CAMKK2: variants seen among roughly 807,000 people sequenced by gnomAD.
CAMKK2 encodes calcium/calmodulin-dependent protein kinase kinase 2.
In CAMKK2, 30 loss-of-function variants were observed where a neutral mutation model predicts 67.2. That is an observed-to-expected ratio of 0.45 (90% confidence interval 0.33 to 0.61). CAMKK2 has a LOEUF of 0.61. Among genes scored for constraint, CAMKK2 ranks in the 20% least tolerant of loss-of-function variants. The pLI is 0.02. For synonymous variants in CAMKK2, 322 were observed against 326.2 expected, an observed-to-expected ratio of 0.99 and a Z score of 0.14; for missense variants, 643 against 802.0, an observed-to-expected ratio of 0.80 and a Z score of 2.39.
intron 9 of CAMKK2, 100 bp downstream of exon 9, chr12:121,255,450 C>T (rs1354000217): frequency 2.2e-6 from 2 of 898,540 alleles, no homozygotes. Context: ...CGCCCACCTC[C>T]CTGTGCTCCA....
At chr12:121,257,242 A>T (rs1227395638) in intron 7 of CAMKK2, among the ~76,000 whole-genome samples, 1 of 146,072 alleles carries the variant, frequency 6.8e-6, no homozygotes, top group Non-Finnish European at 1.5e-5. Context: ...CACAAAAATT[A>T]AAAAAACTTT....
chr12:121,279,025 G>A (rs1897281404), intron 1 of CAMKK2, among the ~76,000 whole-genome samples: 1 of 152,230 alleles, frequency 6.6e-6, no homozygotes, highest in South Asian at 2.1e-4. Flanking sequence ...GCTGAGCAGT[G>A]CCTGGGAAAG....
Position 121,248,753 on chromosome 12 carries a change from G to A in CAMKK2, c.1324-19C>T, listed in dbSNP as rs1890027593. On this transcript the variant is annotated intron_variant, in intron 13 of 16. Coordinates refer to ENST00000404169, the MANE Select transcript of CAMKK2 (RefSeq NM_001270485.2). Reference sequence around the variant, plus strand: ...GGTGCAGCTTCAACGAACGACAGGAGGGGTGAGGGGCAGGTGTGGCTGGCT... The same window carrying A: ...GGTGCAGCTTCAACGAACGACAGGAAGGGTGAGGGGCAGGTGTGGCTGGCT... 3.7e-6 allele frequency: 6 copies of A among 1,613,556 alleles called. No homozygotes were observed. Among genetic ancestry groups the A allele is most frequent in the Non-Finnish European group, 5.1e-6 (6 of 1,179,968 alleles).
chr12:121,244,238 C>G (rs1192999273), intron 16 of CAMKK2: 7 of 1,132,870 alleles, frequency 6.2e-6, no homozygotes, highest in Non-Finnish European at 9.0e-6. Context: ...GGGGGGGCAC[C>G]CATGGGCCCT....
intron 7 of CAMKK2, among the ~76,000 whole-genome samples, chr12:121,256,514 C>T (rs948584142): frequency 1.3e-5 from 2 of 152,160 alleles, no homozygotes; most frequent in Non-Finnish European, 2.9e-5. Context: ...TTCTCATCAC[C>T]TCAAAAGAAA....
At chr12:121,273,296 AG>A (rs1218536661) in intron 2 of CAMKK2, among the ~76,000 whole-genome samples, 2 of 151,952 alleles carry the variant, frequency 1.3e-5, no homozygotes. Context: ...TCCAAGCAGA[AG>A]GAACAGCGAG....
intron 1 of CAMKK2, among the ~76,000 whole-genome samples, chr12:121,275,866 A>C (rs1284158759): frequency 6.6e-6 from 1 of 152,130 alleles, no homozygotes; most frequent in Non-Finnish European, 1.5e-5. Flanking sequence ...CTTATATCTC[A>C]ATTTTTTAAA....
chr12:121,244,175 C>T (rs201804162), intron 16 of CAMKK2: 100 of 1,595,348 alleles, frequency 6.3e-5, no homozygotes, highest in East Asian at 2.2e-5. Context: ...GAGCCCCTAG[C>T]GAAGAGCCAC....
At chr12:121,255,338 AAT>A (rs1449209729) in intron 9 of CAMKK2, among the ~76,000 whole-genome samples, 7 of 17,894 alleles carry the variant, frequency 3.9e-4, no homozygotes, top group African/African-American at 1.2e-3. Flanking sequence ...AATTATATAT[AAT>A]TTTATATATA....
Position 121,253,752 on chromosome 12 carries a change from G to A in CAMKK2, c.908-280C>T, listed in dbSNP as rs1005548980. ...ACACTGCCAATAGCAATTCGTAATC[G>A]CCTGTTATTTATTAAGTCACAAGTG... On this transcript the variant is annotated intron_variant, in intron 9 of 16. Coordinates refer to ENST00000404169, the MANE Select transcript of CAMKK2 (RefSeq NM_001270485.2). The surrounding 1 kb of genome is among the most constrained non-coding windows in gnomAD (Gnocchi z 5.0). Among the ~76,000 whole-genome samples, 2 of 152,192 alleles carry A rather than the reference G, an allele frequency of 1.3e-5. No individual in the cohort carries two copies. The highest frequency in any genetic ancestry group is 6.5e-5 in the Admixed American group (1 of 15,276).
intron 7 of CAMKK2, among the ~76,000 whole-genome samples, chr12:121,256,141 G>A (rs1278528429): frequency 6.6e-6 from 1 of 152,250 alleles, no homozygotes; most frequent in Non-Finnish European, 1.5e-5. Flanking sequence ...CACTCTGGGA[G>A]GCCGAGGTGG....
intron 1 of CAMKK2, among the ~76,000 whole-genome samples, chr12:121,282,191 CG>C (rs1897924780): frequency 1.3e-5 from 2 of 151,852 alleles, no homozygotes; most frequent in South Asian, 4.2e-4. Context: ...GGAAAAGAGG[CG>C]GGAGAGTGGA....
intron 14 of CAMKK2, among the ~76,000 whole-genome samples, chr12:121,248,038 C>T (rs924206689): frequency 6.6e-6 from 1 of 152,180 alleles, no homozygotes; most frequent in Non-Finnish European, 1.5e-5. Flanking sequence ...ATTCCCAGAG[C>T]CTCCAAGGTT....
rs540731958 is a variant in CAMKK2, at chr12:121,274,718, T to C, written c.-59-133A>G. On this transcript the variant is annotated intron_variant, in intron 1 of 16. Transcript: ENST00000404169. ...CATCCTAAAAAAATCTTGCAAAACA[T>C]GGTGTGATCTGATCTCTGAGTCTAT... The C allele has an allele frequency of 4.7e-4, 275 of 585,426 alleles. 1 individual carries two copies. Among genetic ancestry groups the C allele is most frequent in the Non-Finnish European group, 7.7e-4 (254 of 328,618 alleles). 36.3% of individuals were successfully genotyped at this position (585,426 alleles called of 1,614,324 possible).
chr12:121,272,787 A>C lies in CAMKK2; in HGVS notation c.471+1269T>G, dbSNP rs574010852. 9.2e-5 allele frequency among the ~76,000 whole-genome samples: 14 copies of C among 151,918 alleles called. 1 individual carries two copies. In the South Asian group the frequency reaches 2.9e-3, roughly 32 times the overall value. On this transcript the variant is annotated intron_variant, in intron 2 of 16. Coordinates refer to ENST00000404169, the MANE Select transcript of CAMKK2 (RefSeq NM_001270485.2). Reference sequence around the variant, plus strand: ...TACTCATGAGCTGAGGGAGGAGAATAGCTTGAACCTGGGAGGTGGAGGTTG... The same window carrying C: ...TACTCATGAGCTGAGGGAGGAGAATCGCTTGAACCTGGGAGGTGGAGGTTG...
chr12:121,245,133 C>G lies in CAMKK2; in HGVS notation c.1553+7G>C, dbSNP rs1166933375. On this transcript the variant is annotated splice_region_variant and intron_variant, in intron 15 of 16. Coordinates refer to ENST00000404169, the MANE Select transcript of CAMKK2 (RefSeq NM_001270485.2). This position sits in a 1 kb window ranked among gnomAD's most constrained non-coding sequence, Gnocchi z 5.8. Reference sequence around the variant, plus strand: ...TCCCCCACCCAAGAAGGCAGGCGGCCACTCACGTGAGCAAGTTTCCAGGCG... The same window carrying G: ...TCCCCCACCCAAGAAGGCAGGCGGCGACTCACGTGAGCAAGTTTCCAGGCG... The G allele has an allele frequency of 1.3e-6, 2 of 1,582,570 alleles. No homozygotes were observed. Among genetic ancestry groups the G allele is most frequent in the Non-Finnish European group, 1.7e-6 (2 of 1,161,220 alleles).
At chr12:121,266,621 G>A (rs1187050799) in intron 5 of CAMKK2, among the ~76,000 whole-genome samples, 2 of 151,358 alleles carry the variant, frequency 1.3e-5, no homozygotes, top group African/African-American at 2.4e-5. Context: ...TCAGCCTCCC[G>A]AGTAGCTGGG....
Position 121,274,149 on chromosome 12 carries a change from C to T in CAMKK2, c.378G>A (p.Leu126=), listed in dbSNP as rs141225904. 2.9e-4 allele frequency: 465 copies of T among 1,591,074 alleles called. 2 individuals are homozygous for T. In the African/African-American group the frequency reaches 5.2e-3, roughly 18 times the overall value. ...DMNGRCICPS[L]PYSPVSSPQS... ...GCGGGGAGCTGACGGGTGAGTAGGGCAGGGACGGGCAGATGCAGCGTCCGT... is the reference window on the plus strand; with the variant it reads ...GCGGGGAGCTGACGGGTGAGTAGGGTAGGGACGGGCAGATGCAGCGTCCGT... The change falls in exon 2 of 17, where the codon CTG becomes CTA. Residue 126 remains leucine, a synonymous_variant. Transcript: ENST00000404169.
At position 121,240,805 on chromosome 12, in the gene CAMKK2, G is replaced by C; in HGVS notation, c.1661C>G (p.Ala554Gly). 6.2e-7 allele frequency: 1 copy of C among 1,611,784 alleles called. No homozygotes were observed. Among genetic ancestry groups the C allele is most frequent in the South Asian group, 1.1e-5 (1 of 90,980 alleles). Residue 554 changes from alanine to glycine, a missense_variant, in exon 17 of 17, where the codon GCT becomes GGT. Transcript: ENST00000404169. This position sits in a 1 kb window ranked among gnomAD's most constrained non-coding sequence, Gnocchi z 4.4. ...CACGCAGGGACTGCCTCTCACAAGA[G>C]CACTTCCTCCTCCCCCACGGGGGGC... ...RPAPRGGGGSALVRGSPCVES... is the reference protein window; with the variant it reads ...RPAPRGGGGSGLVRGSPCVES...
Sources: allele counts gnomAD v4.1 joint callset (sites outside exome capture counted in the v4.1 genomes callset), GRCh38; gene constraint gnomAD v4.1.1; non-coding constraint Gnocchi (gnomAD v3.1); transcripts MANE v1.5; gene names NCBI Gene and HGNC (gene_info 2026-07-23, HGNC 2026-07-21).